Variants in KAT2B observed in about 807,000 individuals in gnomAD.
KAT2B encodes histone acetyltransferase KAT2B.
A neutral mutation model predicts 105.9 loss-of-function variants in KAT2B; 36 were observed. That is an observed-to-expected ratio of 0.34 (90% confidence interval 0.26 to 0.45). The LOEUF (loss-of-function observed/expected upper bound fraction) is 0.45, where lower values mean the gene tolerates loss of function less well. Among genes scored for constraint, KAT2B ranks in the 20% least tolerant of loss-of-function variants. The pLI is 1.00. For missense variants in KAT2B, 820 were observed against 1,021.6 expected, an observed-to-expected ratio of 0.80 and a Z score of 2.69; for synonymous variants, 397 against 377.9, an observed-to-expected ratio of 1.05 and a Z score of -0.59.
At chr3:20,145,617 C>T (rs1440081968) in intron 13 of KAT2B, among the ~76,000 whole-genome samples, 2 of 135,204 alleles carry the variant, frequency 1.5e-5, no homozygotes, top group Non-Finnish European at 3.1e-5. Context: ...AAGTAGTTAC[C>T]TCAGCATATT....
chr3:20,101,415 A>T lies in KAT2B; in HGVS notation c.798A>T (p.Arg266=). The T allele has an allele frequency of 6.2e-7, 1 of 1,614,130 alleles. No homozygotes were observed. The highest frequency in any genetic ancestry group is 8.5e-7 in the Non-Finnish European group (1 of 1,179,970). ...GGCATCTGGAGGCACCATCTCAACG[A>T]AGACTGCGATCTCCCAATGATGATA... ...NYWHLEAPSQ[R]RLRSPNDDIS... is the part of the protein sequence containing the mutation. Residue 266 remains arginine, a synonymous_variant, in exon 5 of 18, where the codon CGA becomes CGT. Coordinates refer to ENST00000263754, the MANE Select transcript of KAT2B (RefSeq NM_003884.5).
At chr3:20,043,260 C>CCCCAGT (rs1697750667) in intron 1 of KAT2B, among the ~76,000 whole-genome samples, 1 of 152,134 alleles carries the variant, frequency 6.6e-6, no homozygotes, top group Non-Finnish European at 1.5e-5. Flanking sequence ...GGGTTACCAA[C>CCCCAGT]TGGGTGTCAG....
intron 2 of KAT2B, among the ~76,000 whole-genome samples, chr3:20,091,681 A>G (rs184260012): frequency 2.0e-5 from 3 of 152,048 alleles, no homozygotes; most frequent in Admixed American, 6.5e-5. Flanking sequence ...AAGTTTTGGT[A>G]TATTGTATTT....
chr3:20,100,155 G>T (rs1698884662), intron 4 of KAT2B, among the ~76,000 whole-genome samples: 1 of 152,094 alleles, frequency 6.6e-6, no homozygotes. Flanking sequence ...GCCTTTTAGG[G>T]TTGTTACATA....
chr3:20,086,574 T>C (rs1290445455), intron 2 of KAT2B, among the ~76,000 whole-genome samples: 1 of 152,102 alleles, frequency 6.6e-6, no homozygotes, highest in Non-Finnish European at 1.5e-5. Flanking sequence ...GCACTCCAGC[T>C]TGGATGACCA....
chr3:20,062,104 A>ATATATATTATATATAAAACAT (rs1559514094), intron 1 of KAT2B, among the ~76,000 whole-genome samples: 1 of 60,226 alleles, frequency 1.7e-5, no homozygotes, highest in African/African-American at 6.1e-5. Flanking sequence ...AAAACATATA[A>ATATATATTATATATAAAACAT]TATATATTAT....
intron 3 of KAT2B, among the ~76,000 whole-genome samples, chr3:20,098,268 CATA>C (rs1475872292): frequency 2.6e-5 from 4 of 151,402 alleles, no homozygotes; most frequent in African/African-American, 7.3e-5. Context: ...AGATGTTGAA[CATA>C]AACCCAATGG....
intron 2 of KAT2B, among the ~76,000 whole-genome samples, chr3:20,077,797 C>T (rs1365253055): frequency 1.3e-5 from 2 of 152,178 alleles, no homozygotes; most frequent in African/African-American, 2.4e-5. Context: ...ACAAAGGGAT[C>T]TAACAAAGTG....
chr3:20,103,359 A>AT (rs1698942892), intron 5 of KAT2B, among the ~76,000 whole-genome samples: 1 of 151,478 alleles, frequency 6.6e-6, no homozygotes, highest in African/African-American at 2.5e-5. Context: ...AAGAAAAAGG[A>AT]GAATTAATTG....
intron 17 of KAT2B, among the ~76,000 whole-genome samples, chr3:20,151,195 TAC>T (rs1699863156): frequency 6.6e-6 from 1 of 152,214 alleles, no homozygotes; most frequent in African/African-American, 2.4e-5. Flanking sequence ...TGTGATGACA[TAC>T]ACTCTAACCA....
intron 1 of KAT2B, among the ~76,000 whole-genome samples, chr3:20,058,978 G>A (rs2125170427): frequency 6.6e-6 from 1 of 152,236 alleles, no homozygotes; most frequent in South Asian, 2.1e-4. Context: ...AGATCTCCAG[G>A]TGATTCCTGA....
rs1474385613 is a variant in KAT2B at position 20,148,385 on chromosome 3, C to A, written c.2221-18C>A. The A allele has an allele frequency of 1.2e-6, 2 of 1,609,946 alleles. No individual in the cohort carries two copies. The highest frequency in any genetic ancestry group is 4.5e-5 in the East Asian group (2 of 44,862). ...TGGAATTTCCATATTAGATACCTTA[C>A]TTTTTTCTTTACCCAAGAGCCATCA... On this transcript the variant is annotated intron_variant, in intron 16 of 17. Transcript: ENST00000263754.
At chr3:20,090,767 C>G (rs34572705) in intron 2 of KAT2B, among the ~76,000 whole-genome samples, 16,736 of 151,976 alleles carry the variant, frequency 0.11, 1,170 homozygotes, top group Admixed American at 0.16. Flanking sequence ...TAGAGTTTCA[C>G]TTTGTCATAA....
intron 17 of KAT2B, among the ~76,000 whole-genome samples, chr3:20,151,705 T>C (rs558607224): frequency 6.6e-6 from 1 of 152,326 alleles, no homozygotes; most frequent in South Asian, 2.1e-4. Context: ...TTGGGAAATA[T>C]TCTTTGCAAT....
intron 2 of KAT2B, among the ~76,000 whole-genome samples, chr3:20,076,540 C>T (rs764194304): frequency 2.0e-5 from 3 of 152,092 alleles, no homozygotes; most frequent in Non-Finnish European, 4.4e-5. Flanking sequence ...TTTTGAAAAA[C>T]TTTTTTTCTT....
intron 1 of KAT2B, among the ~76,000 whole-genome samples, chr3:20,041,959 C>G (rs1697727465): frequency 1.3e-5 from 2 of 152,206 alleles, no homozygotes; most frequent in South Asian, 4.1e-4. Flanking sequence ...TGCTCTTTTT[C>G]CACACCATAT....
chr3:20,135,103 G>A (rs1413200999), intron 11 of KAT2B, among the ~76,000 whole-genome samples: 5 of 151,976 alleles, frequency 3.3e-5, no homozygotes, highest in Non-Finnish European at 4.4e-5. Flanking sequence ...TTTTACTATC[G>A]TCTCCTCAAG....
At chr3:20,073,654 C>A (rs1698365886) in intron 2 of KAT2B, among the ~76,000 whole-genome samples, 2 of 152,076 alleles carry the variant, frequency 1.3e-5, no homozygotes, top group Admixed American at 1.3e-4. Context: ...TTGAAGCACT[C>A]AATACAGAGC....
At chr3:20,110,721 T>C (rs1035213222) in intron 5 of KAT2B, among the ~76,000 whole-genome samples, 1 of 151,748 alleles carries the variant, frequency 6.6e-6, no homozygotes. Context: ...AGAGGTTTAT[T>C]TTTGAATAGA....
Sources: gnomAD v4.1 joint callset for allele counts (sites outside exome capture counted in the v4.1 genomes callset) on GRCh38, gnomAD v4.1.1 for gene constraint, MANE v1.5 for transcripts, NCBI Gene and HGNC (gene_info 2026-07-23, HGNC 2026-07-21) for gene names.